Variants in PTPRD observed in about 807,000 individuals in gnomAD.
PTPRD encodes protein tyrosine phosphatase receptor type D.
A neutral mutation model predicts 214.5 loss-of-function variants in PTPRD; 34 were observed. The observed-to-expected ratio is 0.16, with a 90% CI of 0.12 to 0.21. The LOEUF (loss-of-function observed/expected upper bound fraction) is 0.21, where lower values mean the gene tolerates loss of function less well. PTPRD is among the 10% of genes least tolerant of loss of function. The pLI, the probability that PTPRD is intolerant of heterozygous loss-of-function variation, is 1.00. For missense variants in PTPRD, 2,545 were observed against 2,398.7 expected (o/e 1.06, Z -1.27); for synonymous variants, 1,128 against 845.7 (o/e 1.33, Z -5.79).
chr9:8,503,961 G>T (rs535589768), intron 23 of PTPRD, among the ~76,000 whole-genome samples: 2 of 152,232 alleles, frequency 1.3e-5, no homozygotes, highest in Admixed American at 1.3e-4. Context: ...TTAAAGACTT[G>T]TAATTCATTA....
At chr9:9,787,496 T>G (rs940578719) in intron 5 of PTPRD, among the ~76,000 whole-genome samples, 11 of 151,698 alleles carry the variant, frequency 7.3e-5, no homozygotes, top group Non-Finnish European at 1.6e-4. Flanking sequence ...TCAATTTTCT[T>G]TTGTCACAGT....
chr9:8,803,884 C>G (rs1410261111), intron 11 of PTPRD, among the ~76,000 whole-genome samples: 1 of 152,026 alleles, frequency 6.6e-6, no homozygotes, highest in Non-Finnish European at 1.5e-5. Context: ...TATTCCAAAA[C>G]TTACACTAAA....
intron 6 of PTPRD, among the ~76,000 whole-genome samples, chr9:9,765,612 A>C (rs2098700310): frequency 6.6e-6 from 1 of 152,196 alleles, no homozygotes; most frequent in African/African-American, 2.4e-5. Flanking sequence ...CAAAAATGAT[A>C]ACTAACCTTC....
At chr9:10,342,575 A>G (rs1438358328) in intron 2 of PTPRD, among the ~76,000 whole-genome samples, 2 of 152,114 alleles carry the variant, frequency 1.3e-5, no homozygotes, top group African/African-American at 4.8e-5. Flanking sequence ...AATTAATCTA[A>G]AAATAAAGAG....
At chr9:9,244,829 T>C (rs1013980647) in intron 9 of PTPRD, among the ~76,000 whole-genome samples, 1 of 152,040 alleles carries the variant, frequency 6.6e-6, no homozygotes, top group African/African-American at 2.4e-5. Context: ...CAAAAGAAAC[T>C]ACCATCAGAG....
At chr9:9,825,184 G>C (rs1422551729) in intron 5 of PTPRD, among the ~76,000 whole-genome samples, 2 of 151,744 alleles carry the variant, frequency 1.3e-5, no homozygotes, top group African/African-American at 4.8e-5. Context: ...CTTCTCAGTG[G>C]TAGAGTTCAT....
intron 3 of PTPRD, among the ~76,000 whole-genome samples, chr9:10,128,777 G>A (rs1205209018): frequency 6.6e-6 from 1 of 152,096 alleles, no homozygotes; most frequent in Non-Finnish European, 1.5e-5. Flanking sequence ...TTTTTCTGCT[G>A]CCTGAGCTCT....
At chr9:9,835,251 C>A in intron 5 of PTPRD, among the ~76,000 whole-genome samples, 1 of 152,160 alleles carries the variant, frequency 6.6e-6, no homozygotes, top group Middle Eastern at 3.4e-3. Context: ...AAAATGAAGG[C>A]CACTTGTGCC....
chr9:9,841,648 A>T lies in PTPRD; in HGVS notation c.-367-74797T>A, dbSNP rs555573085. ...AAAGATGAAGTTGTTAGCACTGGAG[A>T]TAGCAAGTAGTTACTTAAGGTTCAC... On this transcript the variant is annotated intron_variant, in intron 5 of 45. Coordinates refer to ENST00000381196, the MANE Select transcript of PTPRD (RefSeq NM_002839.4). Among the ~76,000 whole-genome samples the T allele has an allele frequency of 3.3e-5, 5 of 152,256 alleles. No homozygotes were observed. In the South Asian group the frequency reaches 1.0e-3, roughly 32 times the overall value.
At chr9:10,145,722 T>C (rs2099017627) in intron 3 of PTPRD, among the ~76,000 whole-genome samples, 1 of 152,080 alleles carries the variant, frequency 6.6e-6, no homozygotes, top group Non-Finnish European at 1.5e-5. Flanking sequence ...TGTGTATGTG[T>C]ATAAACACAT....
At chr9:9,942,376 T>TA (rs748063799) in intron 4 of PTPRD, among the ~76,000 whole-genome samples, 7 of 152,176 alleles carry the variant, frequency 4.6e-5, no homozygotes, top group Non-Finnish European at 8.8e-5. Context: ...ATTTTACTGA[T>TA]ATACCATAAT....
intron 2 of PTPRD, among the ~76,000 whole-genome samples, chr9:10,506,743 C>A (rs141839355): frequency 5.3e-5 from 8 of 152,178 alleles, no homozygotes; most frequent in African/African-American, 1.9e-4. Flanking sequence ...TCTTTCATGG[C>A]CTTCACTCTG....
At chr9:9,846,964 T>C (rs1352007536) in intron 5 of PTPRD, among the ~76,000 whole-genome samples, 3 of 152,076 alleles carry the variant, frequency 2.0e-5, no homozygotes, top group Non-Finnish European at 4.4e-5. Flanking sequence ...GCAGGGAGAA[T>C]ATCATGCCAT....
intron 10 of PTPRD, among the ~76,000 whole-genome samples, chr9:9,027,021 T>C (rs895065598): frequency 3.3e-5 from 5 of 151,470 alleles, no homozygotes; most frequent in African/African-American, 1.2e-4. Context: ...TTATGGCTTT[T>C]CTCCTTCACT....
intron 11 of PTPRD, among the ~76,000 whole-genome samples, chr9:9,015,239 G>T (rs2099529706): frequency 6.6e-6 from 1 of 152,118 alleles, no homozygotes; most frequent in Non-Finnish European, 1.5e-5. Flanking sequence ...TTCTCAGAGG[G>T]TTAAGGCATT....
intron 2 of PTPRD, among the ~76,000 whole-genome samples, chr9:10,369,636 G>T (rs936247279): frequency 6.6e-6 from 1 of 152,000 alleles, no homozygotes; most frequent in African/African-American, 2.4e-5. Flanking sequence ...CATTTAATTT[G>T]GTTCTTCTAA....
intron 10 of PTPRD, among the ~76,000 whole-genome samples, chr9:9,140,538 C>A (rs1039633050): frequency 1.3e-5 from 2 of 152,198 alleles, no homozygotes; most frequent in African/African-American, 4.8e-5. Context: ...TCTTTCAAGA[C>A]GCTGGGGATT....
chr9:8,451,137 G>A (rs183399222), intron 33 of PTPRD, among the ~76,000 whole-genome samples: 2 of 152,266 alleles, frequency 1.3e-5, no homozygotes, highest in East Asian at 3.9e-4. Flanking sequence ...ACTAACCAGG[G>A]GGTGAAGAGA....
At chr9:8,642,121 A>G (rs983230778) in intron 12 of PTPRD, among the ~76,000 whole-genome samples, 3 of 152,154 alleles carry the variant, frequency 2.0e-5, no homozygotes, top group African/African-American at 7.3e-5. Flanking sequence ...CTAAAGGTTA[A>G]GTAGATAACT....
Sources: gnomAD v4.1 joint callset for allele counts (sites outside exome capture counted in the v4.1 genomes callset) on GRCh38, gnomAD v4.1.1 for gene constraint, MANE v1.5 for transcripts, NCBI Gene and HGNC (gene_info 2026-07-23, HGNC 2026-07-21) for gene names.